The following ZMYM6 variants were observed in gnomAD, a reference collection of about 807,000 sequenced individuals.
ZMYM6 encodes zinc finger MYM-type protein 6.
Under a neutral mutation model 134.0 loss-of-function variants are expected in ZMYM6, and 90 were observed. The ratio of observed to expected loss-of-function variants is 0.67; its 90% CI spans 0.57 to 0.80. The LOEUF (loss-of-function observed/expected upper bound fraction) is 0.80. Among genes scored for constraint, ZMYM6 ranks in the 30% least tolerant of loss-of-function variants. The probability of loss-of-function intolerance (pLI) is 0.00; values close to 1 mark genes in which losing one functional copy is unlikely to be tolerated. For missense variants in ZMYM6, 1,362 were observed against 1,533.9 expected, an observed-to-expected ratio of 0.89 and a Z score of 1.87; for synonymous variants, 481 against 524.1, an observed-to-expected ratio of 0.92 and a Z score of 1.12.
chr1:35,015,501 G>A (rs961666114), intron 4 of ZMYM6, among the ~76,000 whole-genome samples: 1 of 151,664 alleles, frequency 6.6e-6, no homozygotes, highest in Non-Finnish European at 1.5e-5. Flanking sequence ...CGAGGTGGGC[G>A]GATCATGAGG....
intron 15 of ZMYM6, 48 bp from the exon 16 acceptor site, chr1:34,988,983 A>C: frequency 1.3e-6 from 2 of 1,568,082 alleles, no homozygotes; most frequent in Non-Finnish European, 1.7e-6. Context: ...CAAATAAGCA[A>C]TGTTCTTTAT....
At chr1:34,999,961 C>T (rs1640851511) in intron 14 of ZMYM6, among the ~76,000 whole-genome samples, 1 of 152,086 alleles carries the variant, frequency 6.6e-6, no homozygotes, top group Non-Finnish European at 1.5e-5. Context: ...CAGGGTCTCA[C>T]TCTGTCACCC....
rs921516127 is a variant in ZMYM6 at position 35,015,160 on chromosome 1, T to C, written c.431A>G (p.Asp144Gly). The C allele has an allele frequency of 6.3e-7, 1 of 1,583,354 alleles. No homozygotes were observed. Among genetic ancestry groups the C allele is most frequent in the African/African-American group, 1.4e-5 (1 of 72,782 alleles). The change falls in exon 5 of 16, where the codon GAC (aspartate) becomes GGC (glycine). Residue 144 changes from aspartate (D) to glycine (G), a missense_variant and splice_region_variant. Around this residue, in one of 3 missense-constraint regions of ZMYM6, gnomAD observed 503 missense variants for 520.8 expected, o/e 0.97. Transcript: ENST00000357182. Reference sequence around the variant, plus strand: ...GATCACATCCTTAGGATTTAAAATGTCTCTAAAAATAAATAACAAAGGTAA... The same window carrying C: ...GATCACATCCTTAGGATTTAAAATGCCTCTAAAAATAAATAACAAAGGTAA... ...PKKTCTNCSK[D>G]ILNPKDVITT... is the part of the protein sequence containing the mutation.
chr1:34,996,813 G>A (rs941188379), intron 14 of ZMYM6, among the ~76,000 whole-genome samples: 13 of 152,084 alleles, frequency 8.5e-5, no homozygotes, highest in Non-Finnish European at 1.3e-4. Flanking sequence ...CACATAAATA[G>A]GTGTGAAATT....
intron 11 of ZMYM6, among the ~76,000 whole-genome samples, chr1:35,007,480 T>C (rs1221091634): frequency 6.6e-6 from 1 of 151,844 alleles, no homozygotes; most frequent in African/African-American, 2.4e-5. Flanking sequence ...CCCAGCTACT[T>C]AGAAGGCTGA....
intron 2 of ZMYM6, among the ~76,000 whole-genome samples, chr1:35,027,643 T>C (rs1641438822): frequency 6.6e-6 from 1 of 151,352 alleles, no homozygotes. Flanking sequence ...GAGGCTGAGA[T>C]GGGAGGATCG....
In ZMYM6 at chr1:35,010,910, AAACG is replaced by A; in HGVS notation, c.1185_1188del (p.Val396ProfsTer25). On this transcript the variant is annotated frameshift_variant, in exon 9 of 16. Coordinates refer to ENST00000357182, the MANE Select transcript of ZMYM6 (RefSeq NM_007167.4). LOFTEE classifies it high-confidence loss of function. ...GCAGAGCCACGGATGGAGCTGGGGG[AAACG>A]GCAGAGGTGTTACCTCCTCCTATTG... The A allele has an allele frequency of 5.0e-6, 8 of 1,613,410 alleles. 1 individual carries two copies.
intron 14 of ZMYM6, among the ~76,000 whole-genome samples, chr1:34,998,317 T>C (rs1485429574): frequency 1.3e-5 from 2 of 152,186 alleles, no homozygotes; most frequent in Non-Finnish European, 2.9e-5. Context: ...TCTCTTCTAC[T>C]GGGTTGTCTG....
chr1:35,016,592 G>A (rs1027232281), intron 4 of ZMYM6, among the ~76,000 whole-genome samples: 18 of 152,042 alleles, frequency 1.2e-4, no homozygotes, highest in African/African-American at 4.3e-4. Context: ...AAATAATAAT[G>A]GCAATAATAT....
intron 14 of ZMYM6, among the ~76,000 whole-genome samples, chr1:35,003,450 C>T (rs1640914939): frequency 6.6e-6 from 1 of 152,104 alleles, no homozygotes; most frequent in African/African-American, 2.4e-5. Context: ...TTTTACTTTG[C>T]ACTATTTTCA....
intron 14 of ZMYM6, among the ~76,000 whole-genome samples, chr1:34,997,250 G>A (rs546111051): frequency 6.6e-6 from 1 of 152,128 alleles, no homozygotes; most frequent in South Asian, 2.1e-4. Context: ...TGTTACTTTT[G>A]CCCATTTTCC....
chr1:34,995,276 A>G (rs986567046), intron 14 of ZMYM6, among the ~76,000 whole-genome samples: 1 of 149,030 alleles, frequency 6.7e-6, no homozygotes, highest in African/African-American at 2.5e-5. Context: ...TCATGGTTTC[A>G]GGCAACCACT....
intron 4 of ZMYM6, chr1:35,018,371 A>C (rs768810117): frequency 1.3e-5 from 2 of 152,034 alleles, no homozygotes; most frequent in Non-Finnish European, 1.5e-5. Context: ...ATATAGCAGG[A>C]TCTACTTTTA....
At chr1:35,027,910 C>G (rs755247446) in intron 2 of ZMYM6, among the ~76,000 whole-genome samples, 1 of 152,144 alleles carries the variant, frequency 6.6e-6, no homozygotes, top group East Asian at 1.9e-4. Context: ...CACCATCCCC[C>G]ACTCCACATC....
intron 14 of ZMYM6, 33 bp from the exon 15 acceptor site, chr1:34,992,420 G>A (rs200729576): frequency 1.2e-6 from 2 of 1,602,408 alleles, no homozygotes; most frequent in African/African-American, 1.4e-5. Context: ...ACCAAAGAAA[G>A]ATTTTTTTTA....
At chr1:35,023,069 T>C (rs2148460279) in intron 2 of ZMYM6, among the ~76,000 whole-genome samples, 1 of 152,022 alleles carries the variant, frequency 6.6e-6, no homozygotes, top group East Asian at 1.9e-4. Context: ...ATCTTACAGT[T>C]AGTCAAAAGC....
intron 2 of ZMYM6, among the ~76,000 whole-genome samples, chr1:35,021,545 G>A (rs1355287595): frequency 2.0e-5 from 3 of 151,938 alleles, no homozygotes; most frequent in South Asian, 2.1e-4. Flanking sequence ...ACTTGAACCC[G>A]GGAGGAGGAG....
Position 34,989,303 on chromosome 1 carries a change from C to T in ZMYM6, c.2147-368G>A, listed in dbSNP as rs557647913. On this transcript the variant is annotated intron_variant, in intron 15 of 15. Transcript: ENST00000357182. ...CTATAATCCCAGTGCTTTGGGACACCAAGGTGGGTGGGTCACTTGAGCCCT... is the reference window on the plus strand; with the variant it reads ...CTATAATCCCAGTGCTTTGGGACACTAAGGTGGGTGGGTCACTTGAGCCCT... 1.0e-5 allele frequency: 10 copies of T among 974,124 alleles called. No homozygotes were observed. In the African/African-American group the frequency reaches 1.8e-4, roughly 17 times the overall value. The allele number at this position is 974,124 out of a possible 1,614,324, so 60.3% of individuals were successfully genotyped here.
At position 34,988,717 on chromosome 1, in the gene ZMYM6, A is replaced by G. The variant is rs1021275304; in HGVS notation, c.2365T>C (p.Leu789=). Residue 789 remains leucine, a synonymous_variant, in exon 16 of 16, where the codon TTG becomes CTG. Transcript: ENST00000357182. ...TCTAATTCTGAATGTTTTGTCTTCA[A>G]ATGATGAGAAAGATTTGCTGGCTTC... The part of the protein sequence containing the change: ...NMKPANLSHH[L]KTKHSELENK... 2.8e-5 allele frequency: 44 copies of G among 1,551,204 alleles called. No homozygotes were observed. The highest frequency in any genetic ancestry group is 3.7e-5 in the Non-Finnish European group (42 of 1,146,912).
Sources: gnomAD v4.1 joint callset for allele counts (sites outside exome capture counted in the v4.1 genomes callset) on GRCh38, gnomAD v4.1.1 for gene constraint, gnomAD v4.1.1 regional missense constraint, MANE v1.5 for transcripts, NCBI Gene and HGNC (gene_info 2026-07-23, HGNC 2026-07-21) for gene names.